The following NEU3 variants were observed in gnomAD, a reference collection of about 807,000 sequenced individuals.
The protein encoded by NEU3 is sialidase-3.
In NEU3, 10 loss-of-function variants were observed where a neutral mutation model predicts 11.4. That is an observed-to-expected ratio of 0.88 (90% CI 0.54 to 1.49). NEU3 has a LOEUF of 1.49. Among genes scored for constraint, NEU3 ranks in the 40% most tolerant of loss-of-function variants. The pLI is 0.00. For synonymous variants in NEU3, 212 were observed against 228.2 expected, an observed-to-expected ratio of 0.93 and a Z score of 0.64; for missense variants, 529 against 581.8, an observed-to-expected ratio of 0.91 and a Z score of 0.93.
chr11:74,987,653 A>C (rs1948679712), upstream of NEU3, among the ~76,000 whole-genome samples: 1 of 151,996 alleles, frequency 6.6e-6, no homozygotes, highest in Non-Finnish European at 1.5e-5. Flanking sequence ...CTCTATAAAA[A>C]ATACAAAAAA....
At chr11:75,003,756 G>A (rs1455015205) in intron 2 of NEU3, among the ~76,000 whole-genome samples, 1 of 152,072 alleles carries the variant, frequency 6.6e-6, no homozygotes, top group Non-Finnish European at 1.5e-5. Flanking sequence ...TGGACGTGGT[G>A]GTGCAAGCCT....
In NEU3 at chr11:75,006,051, T is replaced by G. The variant is rs764197897; in HGVS notation, c.945T>G (p.Ser315Arg). The part of the protein sequence containing the change: ...LCEPPHGCQG[S>R]VVSFRPLEIP... The stretch of plus-strand genomic sequence containing the variant: ...AGCCCCCACATGGTTGCCAAGGGAG[T>G]GTGGTAAGTTTCCGGCCCCTGGAGA... Residue 315 changes from serine to arginine, a missense_variant, in exon 3 of 3, where the codon AGT becomes AGG. Physicochemically the swap from Ser to Arg is moderately radical, Grantham distance 110. Coordinates refer to ENST00000294064, the MANE Select transcript of NEU3 (RefSeq NM_006656.6). The G allele has an allele frequency of 3.1e-6, 5 of 1,613,408 alleles. No individual in the cohort carries two copies. In the Admixed American group the frequency reaches 6.7e-5, roughly 22 times the overall value.
upstream of NEU3, chr11:74,987,993 T>C (rs903208101): frequency 8.0e-5 from 12 of 150,560 alleles, no homozygotes; most frequent in African/African-American, 2.9e-4. Context: ...TGTGAGTTCT[T>C]TCCTTGTGGC....
At chr11:74,986,963 G>A (rs1948670133), upstream of NEU3, among the ~76,000 whole-genome samples, 1 of 152,218 alleles carries the variant, frequency 6.6e-6, no homozygotes, top group African/African-American at 2.4e-5. Context: ...TAGTATATGT[G>A]AGAGATGCAG....
At chr11:75,015,734 T>C (rs1948978131), downstream of NEU3, among the ~76,000 whole-genome samples, 1 of 152,226 alleles carries the variant, frequency 6.6e-6, no homozygotes. Context: ...AGACTGTTAC[T>C]ACTACTGTTC....
chr11:75,001,285 C>CTTT (rs775188864), intron 2 of NEU3, among the ~76,000 whole-genome samples: 2 of 130,092 alleles, frequency 1.5e-5, no homozygotes, highest in African/African-American at 2.8e-5. Flanking sequence ...TTTTTTTTTT[C>CTTT]TTTTTTTTTT....
chr11:74,993,761 A>T (rs1046975768), intron 1 of NEU3, among the ~76,000 whole-genome samples: 14 of 151,972 alleles, frequency 9.2e-5, no homozygotes, highest in African/African-American at 3.4e-4. Context: ...GCTGGTGGGG[A>T]CTCTGCAGAG....
intron 2 of NEU3, among the ~76,000 whole-genome samples, chr11:74,998,933 A>G (rs1383919281): frequency 2.0e-5 from 3 of 152,212 alleles, no homozygotes; most frequent in Admixed American, 6.5e-5. Flanking sequence ...GCCTGTGGTC[A>G]TCGTCATGTT....
In NEU3 at chr11:75,005,411, A is replaced by T; in HGVS notation, c.307-2A>T. ...CCTACTTTCTCCCTTCTCCTTGTCT[A>T]GTGGGGGCCCCTGAAGCCACTGATG... On this transcript the variant is annotated splice_acceptor_variant, in intron 2 of 2. Transcript: ENST00000294064. LOFTEE classifies it high-confidence loss of function. 1 of 1,599,506 alleles carries T rather than the reference A, an allele frequency of 6.3e-7. No individual in the cohort carries two copies. The highest frequency in any genetic ancestry group is 8.5e-7 in the Non-Finnish European group (1 of 1,171,460).
chr11:74,980,722 G>A, the NEU3 span, among the ~76,000 whole-genome samples: 2 of 152,192 alleles, frequency 1.3e-5, no homozygotes, highest in South Asian at 2.1e-4. Context: ...AGGAACTGGG[G>A]AGGTGGTTCC....
chr11:74,992,924 C>T (rs1471673730), intron 1 of NEU3, among the ~76,000 whole-genome samples: 1 of 152,100 alleles, frequency 6.6e-6, no homozygotes, highest in African/African-American at 2.4e-5. Context: ...CACACCATTG[C>T]ACTCAAGCCT....
At chr11:75,016,452 T>C (rs1259969537) in intron 3 of NEU3, among the ~76,000 whole-genome samples, 1 of 152,190 alleles carries the variant, frequency 6.6e-6, no homozygotes, top group Non-Finnish European at 1.5e-5. Flanking sequence ...GTTTCTGTTT[T>C]GAAGTTGAAT....
In NEU3 at chr11:75,006,461, G is replaced by A. The variant is rs1464428629; in HGVS notation, c.1355G>A (p.Gly452Asp). 6.2e-7 allele frequency: 1 copy of A among 1,613,206 alleles called. No homozygotes were observed. Among genetic ancestry groups the A allele is most frequent in the Non-Finnish European group, 8.5e-7 (1 of 1,179,490 alleles). The change falls in exon 3 of 3, where the codon GGT becomes GAT. Residue 452 changes from glycine to aspartate, a missense_variant. By Grantham distance (94) the Gly-to-Asp change is moderately conservative. Coordinates refer to ENST00000294064, the MANE Select transcript of NEU3 (RefSeq NM_006656.6). ...CTGCAGGGGGACTGCACCAGCCCTG[G>A]TAGGAACCCAAGCCAATTCAAAAGC... is the stretch of plus-strand genomic sequence containing the variant. ...SHLQGDCTSP[G>D]RNPSQFKSN
rs939547767 is a variant in NEU3, at chr11:75,009,960, A to G, written c.*3468A>G. ...TAGCCCAGAGGACCCACAAAGGTCA[A>G]CCTGAGTCTCCACAGCCTCCTCCCC... On this transcript the variant is annotated 3_prime_UTR_variant, in exon 3 of 3. Coordinates refer to ENST00000294064, the MANE Select transcript of NEU3 (RefSeq NM_006656.6). The G allele has an allele frequency of 7.2e-5, 11 of 152,258 alleles. No homozygotes were observed. Among genetic ancestry groups the G allele is most frequent in the Admixed American group, 6.5e-4 (10 of 15,288 alleles). The allele number at this position is 152,258 out of a possible 1,614,324, so 9.4% of individuals were successfully genotyped here. A position where few individuals can be genotyped will look rare whatever the true frequency, so the allele number is the denominator to read the frequency against.
chr11:75,016,147 C>T (rs1297035524), intron 3 of NEU3, among the ~76,000 whole-genome samples: 1 of 152,170 alleles, frequency 6.6e-6, no homozygotes, highest in East Asian at 1.9e-4. Flanking sequence ...TGCTGAACTC[C>T]ATGGGTTTAT....
chr11:74,987,276 T>C (rs1948674503), upstream of NEU3, among the ~76,000 whole-genome samples: 1 of 152,202 alleles, frequency 6.6e-6, no homozygotes, highest in Non-Finnish European at 1.5e-5. Context: ...TCTCCATATG[T>C]CGATATGAAC....
upstream of NEU3, among the ~76,000 whole-genome samples, chr11:74,987,665 T>C (rs1948680024): frequency 6.6e-6 from 1 of 151,854 alleles, no homozygotes; most frequent in South Asian, 2.1e-4. Context: ...TACAAAAAAT[T>C]AGCCGGGCGT....
At chr11:74,983,803 C>G (rs758386686), upstream of NEU3, among the ~76,000 whole-genome samples, 2 of 152,190 alleles carry the variant, frequency 1.3e-5, no homozygotes, top group Non-Finnish European at 2.9e-5. Context: ...AGTGCAATCA[C>G]TAATACATCC....
intron 1 of NEU3, among the ~76,000 whole-genome samples, chr11:74,994,180 G>A (rs1290114628): frequency 6.6e-6 from 1 of 152,138 alleles, no homozygotes; most frequent in African/African-American, 2.4e-5. Flanking sequence ...CCAAGAAGTT[G>A]ATAATAAAAA....
Sources: allele counts gnomAD v4.1 joint callset (sites outside exome capture counted in the v4.1 genomes callset), GRCh38; gene constraint gnomAD v4.1.1; transcripts MANE v1.5; gene names NCBI Gene and HGNC (gene_info 2026-07-23, HGNC 2026-07-21).